The following SMARCA2 variants were observed in gnomAD, a reference collection of about 807,000 sequenced individuals.
The protein encoded by SMARCA2 is SWI/SNF related BAF chromatin remodeling complex subunit ATPase 2.
SMARCA2 carries 61 observed loss-of-function variants against 199.8 expected under a neutral mutation model. The ratio of observed to expected loss-of-function variants is 0.31; its 90% CI spans 0.25 to 0.38. The LOEUF (loss-of-function observed/expected upper bound fraction) is 0.38, where lower values mean the gene tolerates loss of function less well. SMARCA2 is among the 10% of genes least tolerant of loss of function. The pLI is 1.00. For missense variants in SMARCA2, 1,344 were observed against 2,012.2 expected (o/e 0.67, Z 6.35); for synonymous variants, 935 against 732.0 (o/e 1.28, Z -4.48).
chr9:2,159,782 C>G, intron 27 of SMARCA2: 1 of 1,592,338 alleles, frequency 6.3e-7, no homozygotes, highest in Non-Finnish European at 8.6e-7. Flanking sequence ...AAAACACAGC[C>G]TTTCCCCAGC....
intron 4 of SMARCA2, among the ~76,000 whole-genome samples, chr9:2,046,728 G>A (rs1472311618): frequency 1.3e-5 from 2 of 152,090 alleles, no homozygotes; most frequent in Admixed American, 6.5e-5. Flanking sequence ...AAGGGCTTGA[G>A]GTGCAATTTG....
At chr9:2,160,894 AAAG>A (rs1217637541) in intron 27 of SMARCA2, 1 of 366,902 alleles carries the variant, frequency 2.7e-6, no homozygotes, top group Non-Finnish European at 4.9e-6. Context: ...AAAAAAAAAA[AAAG>A]TTTAAACTTC....
At chr9:2,079,051 A>C (rs1403482561) in intron 14 of SMARCA2, among the ~76,000 whole-genome samples, 1 of 152,220 alleles carries the variant, frequency 6.6e-6, no homozygotes, top group East Asian at 1.9e-4. Context: ...TCTAACTTGA[A>C]TACTTGTGAA....
chr9:2,138,228 A>G (rs1824302087), intron 27 of SMARCA2, among the ~76,000 whole-genome samples: 1 of 152,182 alleles, frequency 6.6e-6, no homozygotes, highest in Non-Finnish European at 1.5e-5. Flanking sequence ...ATTAAGACAA[A>G]AAGTATTAAT....
At chr9:2,138,576 G>C (rs982811175) in intron 27 of SMARCA2, among the ~76,000 whole-genome samples, 1 of 152,132 alleles carries the variant, frequency 6.6e-6, no homozygotes, top group Non-Finnish European at 1.5e-5. Flanking sequence ...CCCATAGTCC[G>C]TTCTTCTCTT....
chr9:2,035,608 C>G (rs1002380653), intron 3 of SMARCA2, among the ~76,000 whole-genome samples: 1 of 152,174 alleles, frequency 6.6e-6, no homozygotes, highest in Non-Finnish European at 1.5e-5. Flanking sequence ...AGGATGATAT[C>G]TAGCTAGCAC....
intron 5 of SMARCA2, among the ~76,000 whole-genome samples, chr9:2,050,578 G>A (rs987577472): frequency 6.6e-6 from 1 of 151,936 alleles, no homozygotes; most frequent in South Asian, 2.1e-4. Flanking sequence ...GAAAAGAGCG[G>A]TATATCCTCT....
chr9:2,082,814 AT>A (rs1340732359), intron 15 of SMARCA2, among the ~76,000 whole-genome samples: 7 of 152,222 alleles, frequency 4.6e-5, no homozygotes, highest in Admixed American at 3.9e-4. Flanking sequence ...TGTATGAATT[AT>A]CTGTATCTGT....
intron 29 of SMARCA2, 132 bp from the exon 30 acceptor site, chr9:2,181,439 T>A: frequency 1.6e-6 from 1 of 618,386 alleles, no homozygotes; most frequent in Non-Finnish European, 2.9e-6. Flanking sequence ...GGATTTTTCC[T>A]GACTTAAAAA....
intron 19 of SMARCA2, among the ~76,000 whole-genome samples, chr9:2,093,258 TATGTGTTGG>T (rs1302888212): frequency 6.6e-6 from 1 of 152,216 alleles, no homozygotes; most frequent in Non-Finnish European, 1.5e-5. Flanking sequence ...CACATGGGTG[TATGTGTTGG>T]GAAATGCTTA....
rs769201380 is a variant in SMARCA2, at chr9:2,148,949, T to C, written c.3982-12737T>C. Among the ~76,000 whole-genome samples, 52 of 151,736 alleles carry C rather than the reference T, an allele frequency of 3.4e-4. 3 individuals are homozygous for C. The highest frequency in any genetic ancestry group is 6.1e-4 in the Non-Finnish European group (41 of 67,744). On this transcript the variant is annotated intron_variant, in intron 27 of 33. Coordinates refer to ENST00000349721, the MANE Select transcript of SMARCA2 (RefSeq NM_003070.5). ...CAACTCTTCATGTTGATTTCAGCCA[T>C]GTATTACCAGCAAAACGGCTAGTCC...
At chr9:2,094,708 C>A (rs976149149) in intron 19 of SMARCA2, among the ~76,000 whole-genome samples, 1 of 152,208 alleles carries the variant, frequency 6.6e-6, no homozygotes, top group African/African-American at 2.4e-5. Context: ...GATTCCTAAT[C>A]TATAAAATGA....
intron 5 of SMARCA2, among the ~76,000 whole-genome samples, chr9:2,049,806 C>G (rs918613374): frequency 3.9e-4 from 60 of 152,250 alleles, no homozygotes; most frequent in East Asian, 1.9e-4. Flanking sequence ...ACAAATGAAC[C>G]ATTTTTTTTC....
In SMARCA2 at chr9:2,170,517, C is replaced by T. The variant is rs761757654; in HGVS notation, c.4253+45C>T. On this transcript the variant is annotated intron_variant, in intron 29 of 33. Coordinates refer to ENST00000349721, the MANE Select transcript of SMARCA2 (RefSeq NM_003070.5). This position sits in a 1 kb window ranked among gnomAD's most constrained non-coding sequence, Gnocchi z 4.7. ...TCCCCTATCTCTAAATACAGGTATC[C>T]CTCGTTACGTGAAACAGATTGAATC... The T allele has an allele frequency of 3.7e-6, 6 of 1,613,058 alleles. No homozygotes were observed. Among genetic ancestry groups the T allele is most frequent in the Admixed American group, 1.7e-5 (1 of 59,866 alleles).
At chr9:2,091,649 G>GTA (rs1822067402) in intron 19 of SMARCA2, among the ~76,000 whole-genome samples, 1 of 152,192 alleles carries the variant, frequency 6.6e-6, no homozygotes, top group Non-Finnish European at 1.5e-5. Context: ...AATGGTCAGT[G>GTA]TATACATAGA....
Position 2,084,106 on chromosome 9 carries a change from C to T in SMARCA2, c.2436C>T (p.Arg812=). 4 of 1,610,732 alleles carry T rather than the reference C, an allele frequency of 2.5e-6. No individual in the cohort carries two copies. Among genetic ancestry groups the T allele is most frequent in the Non-Finnish European group, 3.4e-6 (4 of 1,176,978 alleles). Residue 812 remains arginine (R), a synonymous_variant, in exon 17 of 34, where the codon CGC becomes CGT. Coordinates refer to ENST00000349721, the MANE Select transcript of SMARCA2 (RefSeq NM_003070.5). ...ISYKGTPAMR[R]SLVPQLRSGK... is the part of the protein sequence containing the mutation. ...TTCAGGGTACTCCTGCCATGCGTCG[C>T]TCCCTTGTCCCCCAGCTACGGAGTG...
chr9:2,077,880 T>C (rs971838448), intron 14 of SMARCA2, 104 bp downstream of exon 14: 6 of 1,017,052 alleles, frequency 5.9e-6, no homozygotes, highest in Non-Finnish European at 7.3e-6. Context: ...GATGATATTT[T>C]AGGCCACATC....
intron 13 of SMARCA2, among the ~76,000 whole-genome samples, chr9:2,076,991 C>T (rs918018710): frequency 6.6e-6 from 1 of 152,138 alleles, no homozygotes; most frequent in African/African-American, 2.4e-5. Flanking sequence ...TAATATTTCT[C>T]CCTTTTATTC....
chr9:2,187,489 T>C (rs1043475292), intron 32 of SMARCA2, among the ~76,000 whole-genome samples: 1 of 152,034 alleles, frequency 6.6e-6, no homozygotes. Flanking sequence ...CTGGATAACA[T>C]AGCAAGACCC....
Sources: allele counts gnomAD v4.1 joint callset (sites outside exome capture counted in the v4.1 genomes callset), GRCh38; gene constraint gnomAD v4.1.1; non-coding constraint Gnocchi (gnomAD v3.1); transcripts MANE v1.5; gene names NCBI Gene and HGNC (gene_info 2026-07-23, HGNC 2026-07-21).